Variants in SGCZ observed in about 807,000 individuals in gnomAD.
SGCZ encodes sarcoglycan zeta.
A neutral mutation model predicts 41.3 loss-of-function variants in SGCZ; 40 were observed. That is an observed-to-expected ratio of 0.97 (90% CI 0.75 to 1.26). SGCZ has a LOEUF of 1.26. Among genes scored for constraint, SGCZ ranks in the 50% most tolerant of loss-of-function variants. The pLI, the probability that SGCZ is intolerant of heterozygous loss-of-function variation, is 0.00. For missense variants in SGCZ, 552 were observed against 369.8 expected, an observed-to-expected ratio of 1.49 and a Z score of -4.04; for synonymous variants, 206 against 137.5, an observed-to-expected ratio of 1.50 and a Z score of -3.49.
chr8:15,237,473 C>G (rs1217234042), intron 1 of SGCZ, 112 bp downstream of exon 1: 1 of 1,306,676 alleles, frequency 7.7e-7, no homozygotes, highest in African/African-American at 1.5e-5. Flanking sequence ...GCCCCCTCGT[C>G]GTCCCGCGGG....
chr8:14,868,199 G>A (rs897395869), intron 1 of SGCZ, among the ~76,000 whole-genome samples: 3 of 152,098 alleles, frequency 2.0e-5, no homozygotes, highest in South Asian at 2.1e-4. Context: ...GGTCAGTCAC[G>A]AGGATACAGT....
chr8:14,888,780 A>G (rs1804902689), intron 1 of SGCZ, among the ~76,000 whole-genome samples: 1 of 152,098 alleles, frequency 6.6e-6, no homozygotes, highest in Non-Finnish European at 1.5e-5. Context: ...ATATACATTC[A>G]TTTGTTTTTC....
intron 1 of SGCZ, among the ~76,000 whole-genome samples, chr8:14,794,859 T>C (rs1444522458): frequency 6.6e-6 from 1 of 152,194 alleles, no homozygotes; most frequent in Non-Finnish European, 1.5e-5. Flanking sequence ...CACTACAGCA[T>C]CTCTACTATT....
intron 3 of SGCZ, among the ~76,000 whole-genome samples, chr8:14,276,482 T>C (rs936493473): frequency 2.6e-5 from 4 of 152,148 alleles, no homozygotes; most frequent in Admixed American, 2.6e-4. Flanking sequence ...TCTTGATATA[T>C]TTCTCTCCCA....
At chr8:14,301,773 TATC>T (rs1202922041) in intron 3 of SGCZ, among the ~76,000 whole-genome samples, 1 of 152,312 alleles carries the variant, frequency 6.6e-6, no homozygotes, top group African/African-American at 2.4e-5. Context: ...AATTTTTACT[TATC>T]ATGCTGTATT....
chr8:14,368,099 A>AT (rs545967135), intron 2 of SGCZ, among the ~76,000 whole-genome samples: 244 of 151,970 alleles, frequency 1.6e-3, no homozygotes, highest in African/African-American at 5.8e-3. Context: ...CCAGTGTAAC[A>AT]TTTTTTTTAA....
At chr8:15,174,171 T>C (rs1254054707) in intron 1 of SGCZ, among the ~76,000 whole-genome samples, 1 of 152,194 alleles carries the variant, frequency 6.6e-6, no homozygotes, top group African/African-American at 2.4e-5. Context: ...GAGTAAAACA[T>C]TGTCCTAATC....
intron 5 of SGCZ, among the ~76,000 whole-genome samples, chr8:14,122,880 C>T (rs1248740873): frequency 6.6e-6 from 1 of 152,118 alleles, no homozygotes; most frequent in Non-Finnish European, 1.5e-5. Context: ...AAAAGTGAGC[C>T]AGCTACCTCA....
chr8:14,372,396 G>A (rs972829581), intron 2 of SGCZ, among the ~76,000 whole-genome samples: 4 of 152,102 alleles, frequency 2.6e-5, no homozygotes, highest in African/African-American at 9.7e-5. Context: ...TTTATTCTGT[G>A]CCAGATAATC....
At chr8:14,364,984 G>C (rs938365140) in intron 2 of SGCZ, among the ~76,000 whole-genome samples, 2 of 151,858 alleles carry the variant, frequency 1.3e-5, no homozygotes, top group South Asian at 2.1e-4. Context: ...TCATCTATCA[G>C]ATTTGTTTTT....
chr8:14,686,350 C>A (rs28654876), intron 1 of SGCZ, among the ~76,000 whole-genome samples: 63,664 of 151,750 alleles, frequency 0.42, 14,760 homozygotes, highest in Non-Finnish European at 0.54. Context: ...AAATCTGGTG[C>A]ACTAAATAAA....
intron 1 of SGCZ, among the ~76,000 whole-genome samples, chr8:14,974,013 T>C (rs1801383264): frequency 6.6e-6 from 1 of 152,120 alleles, no homozygotes; most frequent in Admixed American, 6.5e-5. Flanking sequence ...CAAGGAATAA[T>C]TTTTCCTCTA....
intron 1 of SGCZ, among the ~76,000 whole-genome samples, chr8:14,792,557 TTTTTA>T (rs985314008): frequency 2.0e-5 from 3 of 152,038 alleles, no homozygotes; most frequent in African/African-American, 7.2e-5. Context: ...CATCTTTCTT[TTTTTA>T]TTTTATTTTA....
intron 1 of SGCZ, among the ~76,000 whole-genome samples, chr8:15,155,344 T>G (rs559847355): frequency 6.6e-6 from 1 of 152,206 alleles, no homozygotes; most frequent in Non-Finnish European, 1.5e-5. Context: ...GCTATCATAA[T>G]TATCCTGATT....
chr8:14,831,313 C>G (rs961791363), intron 1 of SGCZ, among the ~76,000 whole-genome samples: 1 of 152,152 alleles, frequency 6.6e-6, no homozygotes, highest in African/African-American at 2.4e-5. Flanking sequence ...TATTGCTTCA[C>G]TGTTAAATAA....
At chr8:14,224,956 T>C (rs114655455) in intron 4 of SGCZ, among the ~76,000 whole-genome samples, 2,717 of 152,250 alleles carry the variant, frequency 0.018, 91 homozygotes, top group African/African-American at 0.062. Flanking sequence ...TTGGTGTTCA[T>C]CATTTTCTAC....
intron 1 of SGCZ, among the ~76,000 whole-genome samples, chr8:14,571,798 C>A (rs1804563065): frequency 6.6e-6 from 1 of 152,092 alleles, no homozygotes; most frequent in Non-Finnish European, 1.5e-5. Context: ...AGGAGTTTGA[C>A]CACATGCATA....
At chr8:14,389,658 G>T (rs900216956) in intron 2 of SGCZ, among the ~76,000 whole-genome samples, 2 of 151,840 alleles carry the variant, frequency 1.3e-5, no homozygotes, top group Admixed American at 1.3e-4. Context: ...TAGTACTTAA[G>T]AATATGTTTT....
intron 1 of SGCZ, among the ~76,000 whole-genome samples, chr8:15,180,535 C>G (rs1189471527): frequency 6.6e-6 from 1 of 151,580 alleles, no homozygotes; most frequent in East Asian, 1.9e-4. Flanking sequence ...TCATTCTAAT[C>G]TACATATGAA....
Sources: allele counts gnomAD v4.1 joint callset (sites outside exome capture counted in the v4.1 genomes callset), GRCh38; gene constraint gnomAD v4.1.1; transcripts MANE v1.5; gene names NCBI Gene and HGNC (gene_info 2026-07-23, HGNC 2026-07-21).